NTM: variants seen among roughly 807,000 people sequenced by gnomAD.
NTM encodes IgLON family member 2.
A neutral mutation model predicts 42.1 loss-of-function variants in NTM; 13 were observed. The observed-to-expected ratio is 0.31, with a 90% CI of 0.20 to 0.49. NTM has a LOEUF of 0.49. NTM is among the 20% of genes least tolerant of loss of function. The pLI is 0.99. For missense variants in NTM, 373 were observed against 452.8 expected (o/e 0.82, Z 1.60); for synonymous variants, 187 against 179.2 (o/e 1.04, Z -0.35).
chr11:131,867,611 T>C (rs548051256), intron 1 of NTM, among the ~76,000 whole-genome samples: 1 of 151,990 alleles, frequency 6.6e-6, no homozygotes, highest in Admixed American at 6.6e-5. Flanking sequence ...TGTGTGTGTA[T>C]GTATGCATGT....
intron 1 of NTM, among the ~76,000 whole-genome samples, chr11:131,814,415 T>A (rs1031652968): frequency 6.6e-6 from 1 of 152,180 alleles, no homozygotes; most frequent in East Asian, 1.9e-4. Context: ...AACCAGATTG[T>A]GTGTCCACAC....
At chr11:131,621,346 T>C (rs1470868209) in intron 1 of NTM, among the ~76,000 whole-genome samples, 1 of 152,050 alleles carries the variant, frequency 6.6e-6, no homozygotes, top group Non-Finnish European at 1.5e-5. Flanking sequence ...TTTTGCCAAG[T>C]GGTCAGGAGA....
At chr11:132,177,240 A>C (rs2137968492) in intron 3 of NTM, among the ~76,000 whole-genome samples, 1 of 152,380 alleles carries the variant, frequency 6.6e-6, no homozygotes, top group East Asian at 1.9e-4. Context: ...CAACATAAGA[A>C]GTTCCTTTGA....
chr11:132,070,906 C>T (rs866030023), intron 2 of NTM, among the ~76,000 whole-genome samples: 114 of 131,550 alleles, frequency 8.7e-4, no homozygotes, highest in African/African-American at 1.2e-3. Flanking sequence ...TCACACTGAC[C>T]GTCACAGGTT....
chr11:131,510,155 G>T (rs2048043152), intron 1 of NTM, among the ~76,000 whole-genome samples: 1 of 152,196 alleles, frequency 6.6e-6, no homozygotes, highest in Non-Finnish European at 1.5e-5. Flanking sequence ...AACACAAACT[G>T]TCCCACTTAG....
chr11:131,646,736 G>A (rs1403777152), intron 1 of NTM, among the ~76,000 whole-genome samples: 2 of 152,094 alleles, frequency 1.3e-5, no homozygotes, highest in African/African-American at 4.8e-5. Context: ...CGTATAGTGG[G>A]GAACTGAGAA....
chr11:131,607,223 T>C (rs891792681), intron 1 of NTM, among the ~76,000 whole-genome samples: 1 of 152,130 alleles, frequency 6.6e-6, no homozygotes, highest in Non-Finnish European at 1.5e-5. Context: ...GTGAGCAAAA[T>C]TGCCTTTGAG....
chr11:131,942,592 G>A (rs1224190419), intron 2 of NTM, among the ~76,000 whole-genome samples: 1 of 152,172 alleles, frequency 6.6e-6, no homozygotes, highest in Non-Finnish European at 1.5e-5. Context: ...TATATGAAAA[G>A]TCTGTGGATC....
intron 2 of NTM, among the ~76,000 whole-genome samples, chr11:132,108,749 G>A (rs899581368): frequency 2.0e-5 from 3 of 152,088 alleles, no homozygotes; most frequent in Admixed American, 6.5e-5. Flanking sequence ...TACATATGCA[G>A]GATGTGCAGG....
chr11:131,799,076 TTTC>T (rs2091879127), intron 1 of NTM, among the ~76,000 whole-genome samples: 1 of 152,250 alleles, frequency 6.6e-6, no homozygotes, highest in Admixed American at 6.5e-5. Flanking sequence ...AGTAAAGCAC[TTTC>T]TTGTTTAATT....
At chr11:131,483,530 GA>G (rs750068753) in intron 1 of NTM, among the ~76,000 whole-genome samples, 12 of 152,238 alleles carry the variant, frequency 7.9e-5, no homozygotes, top group Non-Finnish European at 1.6e-4. Context: ...AGAAAGGAGA[GA>G]CACTGAAAGT....
intron 1 of NTM, among the ~76,000 whole-genome samples, chr11:131,751,482 C>T (rs984703709): frequency 2.0e-5 from 3 of 151,372 alleles, no homozygotes; most frequent in Non-Finnish European, 2.9e-5. Context: ...CCCAGCTACT[C>T]GGGAGGCTGA....
chr11:131,636,466 G>A (rs756453084), intron 1 of NTM, among the ~76,000 whole-genome samples: 5 of 152,168 alleles, frequency 3.3e-5, no homozygotes, highest in Non-Finnish European at 7.3e-5. Context: ...AAAACACCTT[G>A]CTTTCCATCC....
intron 7 of NTM, among the ~76,000 whole-genome samples, chr11:132,324,716 A>T (rs1190048878): frequency 7.3e-5 from 10 of 136,828 alleles, no homozygotes; most frequent in Admixed American, 7.2e-5. Context: ...CGCCAAGTCA[A>T]TCCTAAGCCA....
intron 2 of NTM, among the ~76,000 whole-genome samples, chr11:131,935,495 C>T (rs1443640879): frequency 2.0e-5 from 3 of 151,966 alleles, no homozygotes; most frequent in Non-Finnish European, 4.4e-5. Flanking sequence ...GTCCAAAGTT[C>T]CCTGGTGGAG....
intron 1 of NTM, chr11:131,771,737 G>A (rs551872993): frequency 1.3e-5 from 2 of 152,322 alleles, no homozygotes; most frequent in Non-Finnish European, 2.9e-5. Context: ...GTGACCAGGA[G>A]GGAGTACAGT....
At chr11:132,270,008 T>C (rs886307482) in intron 4 of NTM, among the ~76,000 whole-genome samples, 14 of 152,284 alleles carry the variant, frequency 9.2e-5, no homozygotes, top group African/African-American at 3.4e-4. Context: ...GAACATTCCT[T>C]CATGTCTCTT....
intron 1 of NTM, among the ~76,000 whole-genome samples, chr11:131,694,105 G>A (rs1203294532): frequency 6.6e-6 from 1 of 152,188 alleles, no homozygotes; most frequent in East Asian, 1.9e-4. Flanking sequence ...TCCCTGCCAA[G>A]GTTGCTGTGA....
At position 132,041,227 on chromosome 11, in the gene NTM, T is replaced by G. The variant is rs539953245; in HGVS notation, c.168-105055T>G. ...TGTGTGTGTGAGAGAGAGAGAGAGA[T>G]AGATAGAGAGAGAGAGAGAGAGAGA... On this transcript the variant is annotated intron_variant, in intron 2 of 8. Transcript: ENST00000683400. Among the ~76,000 whole-genome samples, 524 of 95,072 alleles carry G rather than the reference T, an allele frequency of 5.5e-3. 3 individuals are homozygous for G. Among genetic ancestry groups the G allele is most frequent in the African/African-American group, 0.018 (477 of 26,182 alleles). The allele number at this position is 95,072 out of a possible 152,430, so 62.4% of individuals were successfully genotyped here. A position where few individuals can be genotyped will look rare whatever the true frequency, so the allele number is the denominator to read the frequency against.
Sources: allele counts gnomAD v4.1 joint callset (sites outside exome capture counted in the v4.1 genomes callset), GRCh38; gene constraint gnomAD v4.1.1; transcripts MANE v1.5; gene names NCBI Gene and HGNC (gene_info 2026-07-23, HGNC 2026-07-21).